Variants in KIAA1614 observed in about 807,000 individuals in gnomAD.
KIAA1614 encodes the protein uncharacterized protein KIAA1614.
Under a neutral mutation model 88.7 loss-of-function variants are expected in KIAA1614, and 76 were observed. That is an observed-to-expected ratio of 0.86 (90% confidence interval 0.71 to 1.04). The LOEUF (loss-of-function observed/expected upper bound fraction) is 1.04, where lower values mean the gene tolerates loss of function less well. Ranked by LOEUF, KIAA1614 falls within the 50% of genes least tolerant of loss-of-function variation. The pLI, the probability that KIAA1614 is intolerant of heterozygous loss-of-function variation, is 0.00. For missense variants in KIAA1614, 1,553 were observed against 1,582.5 expected, an observed-to-expected ratio of 0.98 and a Z score of 0.32; for synonymous variants, 714 against 675.5, an observed-to-expected ratio of 1.06 and a Z score of -0.88.
rs1476304875 is a variant in KIAA1614, at chr1:180,916,353, G to T, written c.250G>T (p.Glu84Ter). The change falls in exon 2 of 9, where the codon GAA becomes TAA. Residue 84 changes from glutamate to a stop codon, truncating the protein, a stop_gained. Transcript: ENST00000367588. LOFTEE classifies it high-confidence loss of function. ...ACAGCTCCAGGGCCCCTCTGTGCTGGAATCCAAGGTGAGGGCTTTGAAGGA... is the reference window on the plus strand; with the variant it reads ...ACAGCTCCAGGGCCCCTCTGTGCTGTAATCCAAGGTGAGGGCTTTGAAGGA... Reference protein sequence around the residue: ...GVQLQGPSVLESKVRALKEKM... With the variant: ...GVQLQGPSVL 5 of 1,614,078 alleles carry T rather than the reference G, an allele frequency of 3.1e-6. No homozygotes were observed.
rs1220081634 is a variant in KIAA1614, at chr1:180,935,052, G to T, written c.1206-63G>T. The T allele has an allele frequency of 6.8e-6, 8 of 1,179,846 alleles. No individual in the cohort carries two copies. The highest frequency in any genetic ancestry group is 8.9e-6 in the Non-Finnish European group (8 of 902,640). The allele number at this position is 1,179,846 out of a possible 1,614,324, so 73.1% of individuals were successfully genotyped here. A position where few individuals can be genotyped will look rare whatever the true frequency, so the allele number is the denominator to read the frequency against. ...AGCCCAGGGTGGAGAGGGTAGGGCC[G>T]ATGCGTGTCCATACCTCCCCAGGTT... On this transcript the variant is annotated intron_variant, in intron 4 of 8. Coordinates refer to ENST00000367588, the MANE Select transcript of KIAA1614 (RefSeq NM_020950.2). The surrounding 1 kb of genome is among the most constrained non-coding windows in gnomAD (Gnocchi z 6.1).
rs896182270 is a variant in KIAA1614 at position 180,950,311 on chromosome 1, T to C, written c.*4723T>C. 7 of 1,152,224 alleles carry C rather than the reference T, an allele frequency of 6.1e-6. No individual in the cohort carries two copies. Among genetic ancestry groups the C allele is most frequent in the African/African-American group, 3.3e-5 (2 of 60,018 alleles). The allele number at this position is 1,152,224 out of a possible 1,614,324, so 71.4% of individuals were successfully genotyped here. Reference sequence around the variant, plus strand: ...ATGCACTTCTTCGATTTGGGTGTCATTGTGAAATTCTCCTGTTTTCCTCTG... The same window carrying C: ...ATGCACTTCTTCGATTTGGGTGTCACTGTGAAATTCTCCTGTTTTCCTCTG... On this transcript the variant is annotated 3_prime_UTR_variant, in exon 9 of 9. Transcript: ENST00000367588.
rs3747959 is a variant in KIAA1614, at chr1:180,916,743, C to T, written c.640C>T (p.His214Tyr). 3.9e-4 allele frequency: 622 copies of T among 1,614,132 alleles called. 12 individuals carry two copies. The East Asian group carries it at 0.014, about 35-fold the overall frequency. The change falls in exon 2 of 9, where the codon CAT (histidine) becomes TAT (tyrosine). Residue 214 changes from histidine to tyrosine, a missense_variant. By Grantham distance (83) the His-to-Tyr change is moderately conservative. Coordinates refer to ENST00000367588, the MANE Select transcript of KIAA1614 (RefSeq NM_020950.2). ...CAGCTCTTTGCAACAGAGCCCGATC[C>T]ATGGAGTTACTCCCGGACGGCCTGG... ...GPSSLQQSPI[H>Y]GVTPGRPGGP...
intron 6 of KIAA1614, among the ~76,000 whole-genome samples, chr1:180,939,418 C>T (rs1654406735): frequency 6.6e-6 from 1 of 152,154 alleles, no homozygotes. Flanking sequence ...CGCCCATGTC[C>T]CCTTCCCGGC....
intron 3 of KIAA1614, among the ~76,000 whole-genome samples, chr1:180,920,350 A>G (rs1480006941): frequency 3.3e-5 from 5 of 152,240 alleles, no homozygotes; most frequent in Non-Finnish European, 5.9e-5. Flanking sequence ...ACTCGAAGCC[A>G]GGGTCCTGGG....
Position 180,913,116 on chromosome 1 carries a change from C to T in KIAA1614, c.-128C>T. The T allele has an allele frequency of 6.1e-6, 4 of 656,508 alleles. No individual in the cohort carries two copies. The highest frequency in any genetic ancestry group is 8.6e-6 in the Non-Finnish European group (4 of 465,146). 40.7% of individuals were successfully genotyped at this position (656,508 alleles called of 1,614,324 possible). ...CGTCCCGGACCCCCAGTCGGCCGCG[C>T]CCCGAGGGGCGAGGCCTGCGGGCCG... On this transcript the variant is annotated 5_prime_UTR_variant, in exon 1 of 9. Transcript: ENST00000367588.
chr1:180,928,836 G>A (rs978345668), intron 4 of KIAA1614, among the ~76,000 whole-genome samples: 2 of 152,224 alleles, frequency 1.3e-5, no homozygotes, highest in Admixed American at 1.3e-4. Flanking sequence ...AGTCTCCAGG[G>A]AGAGAAGCAA....
rs1653679830 is a variant in KIAA1614, at chr1:180,912,984, C to G, written c.-260C>G. ...GCCCTCCCTGCCCGACCCCGCTTCC[C>G]GTCCTCTCGCCGGGAGGGAGTGCGG... On this transcript the variant is annotated 5_prime_UTR_variant, in exon 1 of 9. Transcript: ENST00000367588. The surrounding 1 kb of genome is among the most constrained non-coding windows in gnomAD (Gnocchi z 5.1). Among the ~76,000 whole-genome samples, 1 of 151,906 alleles carries G rather than the reference C, an allele frequency of 6.6e-6. No individual in the cohort carries two copies.
chr1:180,936,817 A>C, intron 5 of KIAA1614, 147 bp downstream of exon 5: 1 of 579,286 alleles, frequency 1.7e-6, no homozygotes, highest in African/African-American at 1.9e-5. Context: ...CCACCTCGGC[A>C]GCTCCTTGGA....
In KIAA1614 at chr1:180,916,186, C is replaced by T. The variant is rs1375728446; in HGVS notation, c.83C>T (p.Pro28Leu). ...AAGACAGGGAGTGGAACAGCCAGCC[C>T]CGTGGAGGGGACCTCAGCTGTGGAG... ...GPKTGSGTASPVEGTSAVEWS... is the reference protein window; with the variant it reads ...GPKTGSGTASLVEGTSAVEWS... The change falls in exon 2 of 9, where the codon CCC becomes CTC. Residue 28 changes from proline to leucine, a missense_variant. Coordinates refer to ENST00000367588, the MANE Select transcript of KIAA1614 (RefSeq NM_020950.2). 7 of 1,589,638 alleles carry T rather than the reference C, an allele frequency of 4.4e-6. No individual in the cohort carries two copies. The highest frequency in any genetic ancestry group is 6.0e-6 in the Non-Finnish European group (7 of 1,168,478).
chr1:180,923,229 C>T (rs1452253196), intron 3 of KIAA1614, among the ~76,000 whole-genome samples: 1 of 152,202 alleles, frequency 6.6e-6, no homozygotes, highest in South Asian at 2.1e-4. Context: ...CGAGTCAGCT[C>T]AAACTTCAGC....
intron 3 of KIAA1614, among the ~76,000 whole-genome samples, chr1:180,919,786 TATTTGTGTAGA>T (rs1358009791): frequency 6.6e-6 from 1 of 152,050 alleles, no homozygotes; most frequent in Non-Finnish European, 1.5e-5. Context: ...GAGGAGATGG[TATTTGTGTAGA>T]ATCCTCAGGA....
chr1:180,946,879 A>G lies in KIAA1614; in HGVS notation c.*1291A>G, dbSNP rs975294362. ...AGTAAATGGAACAGACCAAATCCCT[A>G]TCCTCATGAATATACTACCCAGTGA... On this transcript the variant is annotated 3_prime_UTR_variant, in exon 9 of 9. Transcript: ENST00000367588. 1.3e-5 allele frequency: 2 copies of G among 152,262 alleles called. No homozygotes were observed. Among genetic ancestry groups the G allele is most frequent in the African/African-American group, 4.8e-5 (2 of 41,458 alleles). The allele number at this position is 152,262 out of a possible 1,614,324, so 9.4% of individuals were successfully genotyped here. A position where few individuals can be genotyped will look rare whatever the true frequency, so the allele number is the denominator to read the frequency against.
chr1:180,928,316 C>T, intron 3 of KIAA1614, 114 bp from the exon 4 acceptor site: 1 of 1,244,738 alleles, frequency 8.0e-7, no homozygotes, highest in Non-Finnish European at 1.1e-6. Flanking sequence ...GAAGGCTGCA[C>T]ATGCAGGGCT....
intron 5 of KIAA1614, among the ~76,000 whole-genome samples, chr1:180,937,776 A>G (rs982520234): frequency 6.6e-6 from 1 of 151,934 alleles, no homozygotes; most frequent in African/African-American, 2.4e-5. Context: ...CCTTGAGGCA[A>G]CCGCCTCCCC....
rs866203276 is a variant in KIAA1614 at position 180,916,701 on chromosome 1, G to A, written c.598G>A (p.Gly200Ser). 19 of 1,611,888 alleles carry A rather than the reference G, an allele frequency of 1.2e-5. No individual in the cohort carries two copies. The African/African-American group carries it at 1.6e-4, about 14-fold the overall frequency. ...AEWTLPDHDR[G>S]PLLGPSSLQQ... ...ATGGACACTTCCTGACCATGACAGAGGTCCGCTGCTGGGGCCCAGCTCTTT... is the reference window on the plus strand; with the variant it reads ...ATGGACACTTCCTGACCATGACAGAAGTCCGCTGCTGGGGCCCAGCTCTTT... The change falls in exon 2 of 9, where the codon GGT becomes AGT. Residue 200 changes from glycine to serine, a missense_variant. Physicochemically the swap from Gly to Ser is moderately conservative, Grantham distance 56 (BLOSUM62 0). Transcript: ENST00000367588.
intron 4 of KIAA1614, among the ~76,000 whole-genome samples, chr1:180,931,665 A>G (rs967247942): frequency 1.8e-4 from 28 of 152,226 alleles, no homozygotes; most frequent in Non-Finnish European, 3.7e-4. Context: ...CTCTTTTTAG[A>G]ACAAAAATGT....
chr1:180,916,105 G>T (rs751536042), intron 1 of KIAA1614, 49 bp from the exon 2 acceptor site: 1 of 1,448,428 alleles, frequency 6.9e-7, no homozygotes. Flanking sequence ...AGGTTGTGGG[G>T]GTTAGTCCTG....
At chr1:180,925,852 G>A (rs1292463592) in intron 3 of KIAA1614, among the ~76,000 whole-genome samples, 2 of 148,144 alleles carry the variant, frequency 1.4e-5, no homozygotes, top group Non-Finnish European at 3.0e-5. Context: ...CCAAACATCT[G>A]TGGTGGGAAC....
Sources: allele counts gnomAD v4.1 joint callset (sites outside exome capture counted in the v4.1 genomes callset), GRCh38; gene constraint gnomAD v4.1.1; non-coding constraint Gnocchi (gnomAD v3.1); transcripts MANE v1.5; gene names NCBI Gene and HGNC (gene_info 2026-07-23, HGNC 2026-07-21).